The following LRRC1 variants were observed in gnomAD, a reference collection of about 807,000 sequenced individuals.
The protein encoded by LRRC1 is leucine rich repeat containing 1.
In LRRC1, 28 loss-of-function variants were observed where a neutral mutation model predicts 69.9. The ratio of observed to expected loss-of-function variants is 0.40; its 90% CI spans 0.30 to 0.55. The LOEUF is 0.55. Among genes scored for constraint, LRRC1 ranks in the 20% least tolerant of loss-of-function variants. The probability of loss-of-function intolerance (pLI) is 0.47; values close to 1 mark genes in which losing one functional copy is unlikely to be tolerated. For synonymous variants in LRRC1, 236 were observed against 240.2 expected (o/e 0.98, Z 0.16); for missense variants, 498 against 609.0 (o/e 0.82, Z 1.92).
chr6:53,878,934 G>A lies in LRRC1; in HGVS notation c.278-59G>A, dbSNP rs140728606. On this transcript the variant is annotated intron_variant, in intron 2 of 13. Coordinates refer to ENST00000370888, the MANE Select transcript of LRRC1 (RefSeq NM_018214.5). ...CTCTTGTGAGTGTGATCCATCTTGA[G>A]AGTGATGAAAACTGTTAATAATGGT... The A allele has an allele frequency of 7.4e-5, 71 of 960,476 alleles. No homozygotes were observed. The East Asian group carries it at 1.8e-3, about 24-fold the overall frequency. 59.5% of individuals were successfully genotyped at this position (960,476 alleles called of 1,614,324 possible).
intron 2 of LRRC1, among the ~76,000 whole-genome samples, chr6:53,851,087 T>C (rs536367592): frequency 6.6e-6 from 1 of 151,818 alleles, no homozygotes; most frequent in Admixed American, 6.6e-5. Flanking sequence ...TGGCACTTAA[T>C]TGAATGCTGG....
chr6:53,905,338 A>G (rs1398896925), intron 10 of LRRC1: 1 of 151,858 alleles, frequency 6.6e-6, no homozygotes, highest in African/African-American at 2.4e-5. Flanking sequence ...TATCTCAAAA[A>G]AAAAAAAAAA....
chr6:53,920,030 G>T (rs1219376062), intron 12 of LRRC1, among the ~76,000 whole-genome samples: 1 of 152,220 alleles, frequency 6.6e-6, no homozygotes, highest in Non-Finnish European at 1.5e-5. Context: ...TTAAGCCATT[G>T]AATTATTTTG....
rs183993865 is a variant in LRRC1, at chr6:53,824,538, T to C, written c.160-17572T>C. 2.0e-3 allele frequency among the ~76,000 whole-genome samples: 298 copies of C among 152,280 alleles called. 3 individuals are homozygous for C. Among genetic ancestry groups the C allele is most frequent in the Non-Finnish European group, 2.0e-3 (134 of 68,024 alleles). ...TTGCTTTTGTCACAATTACTTTTGG[T>C]GTCTTGGTCATGAAATCTTTGCCTG... On this transcript the variant is annotated intron_variant, in intron 1 of 13. Transcript: ENST00000370888.
intron 2 of LRRC1, among the ~76,000 whole-genome samples, chr6:53,845,622 T>C (rs1765918925): frequency 6.6e-6 from 1 of 152,216 alleles, no homozygotes; most frequent in Non-Finnish European, 1.5e-5. Flanking sequence ...CCAGTCATGA[T>C]AGGACCTTCC....
In LRRC1 at chr6:53,922,491, T is replaced by C. The variant is rs1461473300; in HGVS notation, c.1417-144T>C. The C allele has an allele frequency of 7.1e-5, 47 of 660,218 alleles. No individual in the cohort carries two copies. The East Asian group carries it at 1.3e-3, about 18-fold the overall frequency. The allele number at this position is 660,218 out of a possible 1,614,324, so 40.9% of individuals were successfully genotyped here. On this transcript the variant is annotated intron_variant, in intron 13 of 13. Transcript: ENST00000370888. ...CCAGTGGGCAGTTGATGAATGCACA[T>C]ACATCCAAAGAAAGCTTTTCCACCC...
intron 8 of LRRC1, among the ~76,000 whole-genome samples, chr6:53,901,419 AG>A (rs1387030074): frequency 6.6e-6 from 1 of 152,120 alleles, no homozygotes; most frequent in South Asian, 2.1e-4. Flanking sequence ...ACATGCCTGT[AG>A]TCCTAGCTAC....
intron 2 of LRRC1, among the ~76,000 whole-genome samples, chr6:53,855,214 A>G (rs184069647): frequency 6.6e-6 from 1 of 152,364 alleles, no homozygotes; most frequent in East Asian, 1.9e-4. Context: ...TTATGTAACA[A>G]AACACTCTGC....
chr6:53,839,780 T>C (rs1326846805), intron 1 of LRRC1, among the ~76,000 whole-genome samples: 6 of 152,196 alleles, frequency 3.9e-5, no homozygotes, highest in Non-Finnish European at 5.9e-5. Flanking sequence ...ATTATGATTA[T>C]ATATTCTTTC....
intron 2 of LRRC1, among the ~76,000 whole-genome samples, chr6:53,869,116 C>T (rs375662389): frequency 7.9e-5 from 12 of 152,178 alleles, no homozygotes; most frequent in South Asian, 2.1e-4. Context: ...TATGGCTGTT[C>T]GGATTTGATG....
chr6:53,920,643 G>T lies in LRRC1; in HGVS notation c.1298G>T (p.Gly433Val). The T allele has an allele frequency of 6.2e-7, 1 of 1,614,144 alleles. No homozygotes were observed. The highest frequency in any genetic ancestry group is 1.1e-5 in the South Asian group (1 of 91,082). The change falls in exon 13 of 14, where the codon GGT (glycine) becomes GTT (valine). Residue 433 changes from glycine (G) to valine (V), a missense_variant. By Grantham distance (109) the Gly-to-Val change is moderately radical. Around this residue, in one of 3 missense-constraint regions of LRRC1, gnomAD observed 162 missense variants for 162.9 expected, o/e 0.99. Transcript: ENST00000370888. ...ACTGCAGAGAATCTGCCTCGCTGTGGTGCACTGGAGAACTTGGTAAATGAT... is the reference window on the plus strand; with the variant it reads ...ACTGCAGAGAATCTGCCTCGCTGTGTTGCACTGGAGAACTTGGTAAATGAT... ...PTCQENLPRC[G>V]ALENLVNDVS...
chr6:53,914,882 A>T (rs1768518512), intron 11 of LRRC1, among the ~76,000 whole-genome samples: 1 of 152,170 alleles, frequency 6.6e-6, no homozygotes, highest in Non-Finnish European at 1.5e-5. Context: ...AACCCTACTA[A>T]GCCTGAAGTT....
At chr6:53,828,606 T>A (rs1765339824) in intron 1 of LRRC1, among the ~76,000 whole-genome samples, 1 of 152,252 alleles carries the variant, frequency 6.6e-6, no homozygotes, top group South Asian at 2.1e-4. Flanking sequence ...TTAGCTCACT[T>A]GTTGCTTTGT....
chr6:53,847,291 A>G (rs1765979493), intron 2 of LRRC1, among the ~76,000 whole-genome samples: 1 of 152,204 alleles, frequency 6.6e-6, no homozygotes, highest in Non-Finnish European at 1.5e-5. Flanking sequence ...TCTCATCCAA[A>G]TTTTAAAAGT....
chr6:53,923,636 A>G lies in LRRC1; in HGVS notation c.*843A>G, dbSNP rs982048009. 20 of 152,626 alleles carry G rather than the reference A, an allele frequency of 1.3e-4. No homozygotes were observed. The highest frequency in any genetic ancestry group is 4.3e-4 in the African/African-American group (18 of 41,454). 9.5% of individuals were successfully genotyped at this position (152,626 alleles called of 1,614,324 possible). ...TTTATTCCTTACACTTTTTTTCTGA[A>G]TAAGTCTCTCATAATGAGTGCAGTG... On this transcript the variant is annotated 3_prime_UTR_variant, in exon 14 of 14. Transcript: ENST00000370888.
intron 11 of LRRC1, chr6:53,919,229 C>CTTTTTTTTTTTTT (rs879406589): frequency 2.8e-5 from 2 of 72,272 alleles, no homozygotes; most frequent in African/African-American, 5.3e-5. Context: ...TTTTCTCTCT[C>CTTTTTTTTTTTTT]TTTTTTTTTT....
chr6:53,897,108 G>A (rs1359443697), intron 6 of LRRC1, among the ~76,000 whole-genome samples, 177 bp from the exon 7 acceptor site: 2 of 152,256 alleles, frequency 1.3e-5, no homozygotes, highest in East Asian at 3.9e-4. Flanking sequence ...GGAAACAACT[G>A]GCATTCTTGG....
chr6:53,869,591 T>C (rs1420231829), intron 2 of LRRC1, among the ~76,000 whole-genome samples: 1 of 152,190 alleles, frequency 6.6e-6, no homozygotes, highest in Non-Finnish European at 1.5e-5. Flanking sequence ...CTTTGTTGCA[T>C]ATAGTTTCTC....
At chr6:53,901,776 G>T (rs1768064745) in intron 8 of LRRC1, among the ~76,000 whole-genome samples, 1 of 152,238 alleles carries the variant, frequency 6.6e-6, no homozygotes, top group South Asian at 2.1e-4. Flanking sequence ...TCCAGTGACA[G>T]TGTTAGGCTA....
Sources: allele counts gnomAD v4.1 joint callset (sites outside exome capture counted in the v4.1 genomes callset), GRCh38; gene constraint gnomAD v4.1.1; regional missense constraint gnomAD v4.1.1; transcripts MANE v1.5; gene names NCBI Gene and HGNC (gene_info 2026-07-23, HGNC 2026-07-21).